The following GRAMD2B variants were observed in gnomAD, a reference collection of about 807,000 sequenced individuals.
GRAMD2B encodes GRAM domain containing 2B.
In GRAMD2B, 41 loss-of-function variants were observed where a neutral mutation model predicts 59.2. The ratio of observed to expected loss-of-function variants is 0.69; its 90% CI spans 0.54 to 0.90. GRAMD2B has a LOEUF of 0.90. GRAMD2B is among the 40% of genes least tolerant of loss of function. GRAMD2B has a pLI of 0.00. For missense variants in GRAMD2B, 424 were observed against 500.5 expected, an observed-to-expected ratio of 0.85 and a Z score of 1.46; for synonymous variants, 161 against 182.7, an observed-to-expected ratio of 0.88 and a Z score of 0.96.
intron 1 of GRAMD2B, among the ~76,000 whole-genome samples, chr5:126,412,835 T>C (rs942588236): frequency 2.0e-5 from 3 of 152,224 alleles, no homozygotes; most frequent in East Asian, 1.9e-4. Context: ...TGATTCAATC[T>C]TGGGGACTAT....
chr5:126,392,089 T>C (rs1222161718), intron 1 of GRAMD2B, among the ~76,000 whole-genome samples: 1 of 152,196 alleles, frequency 6.6e-6, no homozygotes, highest in African/African-American at 2.4e-5. Context: ...TCTGGATCAG[T>C]ATTTTATCTG....
At position 126,460,071 on chromosome 5, in the gene GRAMD2B, T is replaced by C. The variant is rs75793466; in HGVS notation, c.84-5355T>C. On this transcript the variant is annotated intron_variant, in intron 1 of 13. Transcript: ENST00000285689. ...ATTTCATCCTTACGATGTAACTTTA[T>C]GCAGTCATTAAAAAGTATGAGGAAG... 8.0e-3 allele frequency among the ~76,000 whole-genome samples: 1,221 copies of C among 152,284 alleles called. 16 individuals are homozygous for C. The highest frequency in any genetic ancestry group is 0.028 in the African/African-American group (1,150 of 41,540).
At chr5:126,414,941 T>C (rs1759134491) in intron 1 of GRAMD2B, among the ~76,000 whole-genome samples, 1 of 152,170 alleles carries the variant, frequency 6.6e-6, no homozygotes, top group Non-Finnish European at 1.5e-5. Context: ...AAGTCTCCCC[T>C]ACCCCATTTC....
At chr5:126,433,932 C>G (rs1026932798) in intron 1 of GRAMD2B, 1 of 152,200 alleles carries the variant, frequency 6.6e-6, no homozygotes, top group Admixed American at 6.5e-5. Context: ...GGAGCCAATT[C>G]TTGGAATAGT....
chr5:126,418,927 T>C (rs1759479851), upstream of GRAMD2B, among the ~76,000 whole-genome samples: 1 of 152,208 alleles, frequency 6.6e-6, no homozygotes. Flanking sequence ...TTATAAAATA[T>C]CATGCATAGT....
intron 1 of GRAMD2B, among the ~76,000 whole-genome samples, chr5:126,381,976 A>C (rs1171491336): frequency 6.6e-6 from 1 of 152,130 alleles, no homozygotes; most frequent in Non-Finnish European, 1.5e-5. Context: ...GGGTACAAAA[A>C]TCTTTGCTGA....
chr5:126,375,613 A>G (rs965701372), intron 1 of GRAMD2B, among the ~76,000 whole-genome samples: 3 of 151,884 alleles, frequency 2.0e-5, no homozygotes, highest in Non-Finnish European at 4.4e-5. Flanking sequence ...CTCGTGATCC[A>G]CCCTTCTCGG....
At chr5:126,486,850 G>T (rs1324849576) in intron 11 of GRAMD2B, 23 bp from the exon 12 acceptor site, 3 of 1,484,814 alleles carry the variant, frequency 2.0e-6, no homozygotes, top group Non-Finnish European at 2.8e-6. Context: ...CCTAACGAAA[G>T]TTTCTCTTTC....
chr5:126,448,840 G>T (rs35969759), intron 1 of GRAMD2B, among the ~76,000 whole-genome samples: 30,414 of 152,058 alleles, frequency 0.2, 3,190 homozygotes, highest in Non-Finnish European at 0.24. Context: ...ACTCATCTTT[G>T]TTTCCTTATT....
intron 1 of GRAMD2B, among the ~76,000 whole-genome samples, chr5:126,404,569 C>A (rs990225099): frequency 1.3e-5 from 2 of 151,888 alleles, no homozygotes; most frequent in Non-Finnish European, 2.9e-5. Context: ...GCCTGGAAAT[C>A]AACAATCAGG....
chr5:126,453,348 G>GAAAA (rs35983190), intron 1 of GRAMD2B, among the ~76,000 whole-genome samples: 1 of 128,192 alleles, frequency 7.8e-6, no homozygotes, highest in Non-Finnish European at 1.6e-5. Flanking sequence ...CATCTTAAAA[G>GAAAA]AAAAAAAAAA....
intron 1 of GRAMD2B, among the ~76,000 whole-genome samples, chr5:126,427,198 G>C (rs1561506193): frequency 6.6e-6 from 1 of 152,132 alleles, no homozygotes; most frequent in Non-Finnish European, 1.5e-5. Context: ...TGCCATGTTG[G>C]TTTGCTGCAC....
At chr5:126,396,870 G>A (rs1237807064) in intron 1 of GRAMD2B, among the ~76,000 whole-genome samples, 1 of 152,112 alleles carries the variant, frequency 6.6e-6, no homozygotes, top group Non-Finnish European at 1.5e-5. Flanking sequence ...TAGCCATTCT[G>A]ACTGGTGTGA....
intron 1 of GRAMD2B, among the ~76,000 whole-genome samples, chr5:126,376,687 A>G (rs1183668012): frequency 6.6e-6 from 1 of 152,174 alleles, no homozygotes; most frequent in Non-Finnish European, 1.5e-5. Context: ...AGTGGGGCCA[A>G]GTCCTGGAAA....
At chr5:126,448,883 C>T (rs372334554) in intron 1 of GRAMD2B, among the ~76,000 whole-genome samples, 16 of 152,286 alleles carry the variant, frequency 1.1e-4, no homozygotes, top group African/African-American at 3.6e-4. Context: ...TCTTACATGC[C>T]GGCCTCAAAC....
At chr5:126,365,470 G>C (rs1372096993) in intron 1 of GRAMD2B, among the ~76,000 whole-genome samples, 1 of 152,184 alleles carries the variant, frequency 6.6e-6, no homozygotes, top group Non-Finnish European at 1.5e-5. Context: ...CAAGAATGCT[G>C]CTTTTTAAAA....
chr5:126,488,737 G>A, intron 12 of GRAMD2B, 62 bp from the exon 13 acceptor site: 1 of 1,134,154 alleles, frequency 8.8e-7, no homozygotes, highest in Non-Finnish European at 1.3e-6. Flanking sequence ...TTTTAAATGT[G>A]TTCATTCCAC....
chr5:126,418,480 T>C (rs1759444570), upstream of GRAMD2B, among the ~76,000 whole-genome samples: 1 of 152,210 alleles, frequency 6.6e-6, no homozygotes, highest in Non-Finnish European at 1.5e-5. Flanking sequence ...CCTCTGAGCA[T>C]GAGTGCTAAG....
intron 1 of GRAMD2B, among the ~76,000 whole-genome samples, chr5:126,440,866 T>A (rs1763166280): frequency 6.6e-6 from 1 of 152,214 alleles, no homozygotes; most frequent in African/African-American, 2.4e-5. Flanking sequence ...AGGTGGCATT[T>A]ATCTCTAATC....
Sources: allele counts gnomAD v4.1 joint callset (sites outside exome capture counted in the v4.1 genomes callset), GRCh38; gene constraint gnomAD v4.1.1; transcripts MANE v1.5; gene names NCBI Gene and HGNC (gene_info 2026-07-23, HGNC 2026-07-21).